Variants in NCKAP5 observed in about 807,000 individuals in gnomAD.
NCKAP5 encodes nck-associated protein 5.
Under a neutral mutation model 167.0 loss-of-function variants are expected in NCKAP5, and 92 were observed. That is an observed-to-expected ratio of 0.55 (90% confidence interval 0.47 to 0.66). The LOEUF is 0.66. NCKAP5 is among the 30% of genes least tolerant of loss of function. The pLI is 0.00. For missense variants in NCKAP5, 2,378 were observed against 2,315.0 expected (o/e 1.03, Z -0.56); for synonymous variants, 891 against 877.4 (o/e 1.02, Z -0.27).
intron 3 of NCKAP5, among the ~76,000 whole-genome samples, chr2:133,339,918 G>C (rs939289588): frequency 6.6e-6 from 1 of 152,126 alleles, no homozygotes; most frequent in South Asian, 2.1e-4. Flanking sequence ...AGAAACCTTT[G>C]TGCGGTCTTT....
At chr2:133,439,412 A>G (rs1690692532) in intron 3 of NCKAP5, among the ~76,000 whole-genome samples, 1 of 152,214 alleles carries the variant, frequency 6.6e-6, no homozygotes, top group Non-Finnish European at 1.5e-5. Context: ...CTTGAAAAAG[A>G]TGTCGGGGGC....
chr2:133,181,603 CAAA>C (rs34264277), intron 5 of NCKAP5, among the ~76,000 whole-genome samples: 5 of 71,156 alleles, frequency 7.0e-5, no homozygotes, highest in African/African-American at 1.7e-4. Context: ...CCCATCTCTA[CAAA>C]AAAAAAAAAA....
intron 6 of NCKAP5, among the ~76,000 whole-genome samples, chr2:133,069,643 C>T (rs772955693): frequency 5.9e-5 from 9 of 152,072 alleles, no homozygotes; most frequent in Non-Finnish European, 8.8e-5. Flanking sequence ...ACGGTATCTC[C>T]GTAAAGCCTT....
At position 132,860,517 on chromosome 2, in the gene NCKAP5, C is replaced by G. The variant is rs1248711412; in HGVS notation, c.782G>C (p.Arg261Thr). The G allele has an allele frequency of 5.1e-6, 8 of 1,581,694 alleles. No individual in the cohort carries two copies. The highest frequency in any genetic ancestry group is 4.3e-6 in the Non-Finnish European group (5 of 1,161,682). Residue 261 changes from arginine (R) to threonine (T), a missense_variant, in exon 11 of 20, where the codon AGA becomes ACA. Physicochemically the swap from Arg to Thr is moderately conservative, Grantham distance 71. Coordinates refer to ENST00000409261, the MANE Select transcript of NCKAP5 (RefSeq NM_207363.3). The part of the protein sequence containing the change: ...TLSILFQQRV[R>T]PTSDLLLQKL... The stretch of plus-strand genomic sequence containing the variant: ...CTGGAGGAGCAGATCAGAAGTGGGT[C>G]TGACTCGCTGTTGGAATAGGATGCT...
chr2:133,382,957 A>G (rs925552279), intron 3 of NCKAP5, among the ~76,000 whole-genome samples: 4 of 152,186 alleles, frequency 2.6e-5, no homozygotes, highest in Admixed American at 2.0e-4. Context: ...GAAAAAATGA[A>G]CAAATAAAAG....
intron 19 of NCKAP5, among the ~76,000 whole-genome samples, chr2:132,708,152 G>A (rs1459847341): frequency 6.6e-6 from 1 of 152,112 alleles, no homozygotes. Context: ...TGGCCATGGG[G>A]AGGGACATCT....
At chr2:133,194,790 G>A (rs1002160383) in intron 5 of NCKAP5, among the ~76,000 whole-genome samples, 1 of 151,098 alleles carries the variant, frequency 6.6e-6, no homozygotes, top group Non-Finnish European at 1.5e-5. Flanking sequence ...TGCATTCACA[G>A]ACCCAGAAAA....
At chr2:132,955,208 C>A (rs559614793) in intron 8 of NCKAP5, among the ~76,000 whole-genome samples, 1 of 152,194 alleles carries the variant, frequency 6.6e-6, no homozygotes, top group Non-Finnish European at 1.5e-5. Context: ...GAAAATAGCC[C>A]GTTCCTCTCA....
intron 4 of NCKAP5, among the ~76,000 whole-genome samples, chr2:133,285,290 C>T (rs898075358): frequency 4.6e-5 from 7 of 152,224 alleles, no homozygotes; most frequent in African/African-American, 1.7e-4. Context: ...GCAAAATCTT[C>T]ACCAATGTGA....
rs564052335 is a variant in NCKAP5 at position 133,183,934 on chromosome 2, T to A, written c.207+29782A>T. ...TTTCTATATATTATCAGCAAGTATG[T>A]GCAAAACAAAATTTATATTTTTATT... is the stretch of plus-strand genomic sequence containing the variant. On this transcript the variant is annotated intron_variant, in intron 5 of 19. Transcript: ENST00000409261. Among the ~76,000 whole-genome samples, 3 of 152,278 alleles carry A rather than the reference T, an allele frequency of 2.0e-5. No homozygotes were observed. The South Asian group carries it at 6.2e-4, about 32-fold the overall frequency.
intron 5 of NCKAP5, among the ~76,000 whole-genome samples, chr2:133,147,377 G>A (rs1245531337): frequency 6.6e-6 from 1 of 152,090 alleles, no homozygotes; most frequent in African/African-American, 2.4e-5. Flanking sequence ...TATCTCTTTA[G>A]AGGAGGAAAA....
intron 3 of NCKAP5, among the ~76,000 whole-genome samples, chr2:133,384,572 GT>G (rs1187221032): frequency 6.6e-5 from 10 of 152,290 alleles, no homozygotes; most frequent in African/African-American, 2.4e-4. Flanking sequence ...TTTTAAAGTA[GT>G]TTTTTCCAAT....
chr2:133,163,232 AT>A (rs1189906462), intron 5 of NCKAP5, among the ~76,000 whole-genome samples: 1 of 152,204 alleles, frequency 6.6e-6, no homozygotes, highest in Admixed American at 6.5e-5. Flanking sequence ...TGCCTATGTG[AT>A]TGGTCCCGAA....
chr2:133,642,801 A>C, the NCKAP5 span, among the ~76,000 whole-genome samples: 2 of 152,264 alleles, frequency 1.3e-5, no homozygotes, highest in Non-Finnish European at 2.9e-5. Flanking sequence ...AGTTGGTTCA[A>C]TCATTTATAG....
At chr2:132,893,808 T>C (rs1339154992) in intron 8 of NCKAP5, among the ~76,000 whole-genome samples, 2 of 152,144 alleles carry the variant, frequency 1.3e-5, no homozygotes, top group African/African-American at 4.8e-5. Context: ...ACTCAATGTT[T>C]TGCTTCATTA....
At chr2:133,292,351 C>T (rs1353496336) in intron 4 of NCKAP5, among the ~76,000 whole-genome samples, 1 of 151,126 alleles carries the variant, frequency 6.6e-6, no homozygotes, top group Non-Finnish European at 1.5e-5. Flanking sequence ...TGTGAGTGCA[C>T]TTCAGCCTTA....
At chr2:133,664,436 A>C in the NCKAP5 span, among the ~76,000 whole-genome samples, 2 of 152,190 alleles carry the variant, frequency 1.3e-5, no homozygotes, top group African/African-American at 4.8e-5. Context: ...CTACAGCTTG[A>C]AAGTCCTAGA....
intron 3 of NCKAP5, among the ~76,000 whole-genome samples, chr2:133,310,614 G>C (rs1229656735): frequency 6.6e-6 from 1 of 152,208 alleles, no homozygotes; most frequent in Non-Finnish European, 1.5e-5. Context: ...ACGCTCTGCA[G>C]GTCCAATCCT....
In NCKAP5 at chr2:132,829,549, A is replaced by C. The variant is rs1687372378; in HGVS notation, c.807+30943T>G. Among the ~76,000 whole-genome samples the C allele has an allele frequency of 2.0e-5, 3 of 152,336 alleles. No individual in the cohort carries two copies. The South Asian group carries it at 6.2e-4, about 32-fold the overall frequency. On this transcript the variant is annotated intron_variant, in intron 11 of 19. Coordinates refer to ENST00000409261, the MANE Select transcript of NCKAP5 (RefSeq NM_207363.3). The stretch of plus-strand genomic sequence containing the variant: ...CCACTGCAGAGTGAGCATGCCTGAC[A>C]AGAGGCCTTACAGCCAGCTCTTTGC...
Sources: allele counts gnomAD v4.1 joint callset (sites outside exome capture counted in the v4.1 genomes callset), GRCh38; gene constraint gnomAD v4.1.1; transcripts MANE v1.5; gene names NCBI Gene and HGNC (gene_info 2026-07-23, HGNC 2026-07-21).